The following PRMT8 variants were observed in gnomAD, a reference collection of about 807,000 sequenced individuals.
PRMT8 encodes the protein protein arginine N-methyltransferase 8.
A neutral mutation model predicts 47.1 loss-of-function variants in PRMT8; 7 were observed. The observed-to-expected ratio is 0.15, with a 90% confidence interval of 0.08 to 0.28. The LOEUF is 0.28. PRMT8 is among the 10% of genes least tolerant of loss of function. The probability of loss-of-function intolerance (pLI) is 1.00; values close to 1 mark genes in which losing one functional copy is unlikely to be tolerated. For synonymous variants in PRMT8, 188 were observed against 186.5 expected, an observed-to-expected ratio of 1.01 and a Z score of -0.07; for missense variants, 237 against 505.4, an observed-to-expected ratio of 0.47 and a Z score of 5.09.
chr12:3,513,379 C>T (rs1044866321), intron 1 of PRMT8, among the ~76,000 whole-genome samples: 10 of 152,164 alleles, frequency 6.6e-5, no homozygotes, highest in African/African-American at 2.4e-4. Flanking sequence ...ACTCCTATTT[C>T]AGTTTCCCTT....
intron 1 of PRMT8, among the ~76,000 whole-genome samples, chr12:3,433,678 C>G (rs1363498147): frequency 2.6e-5 from 4 of 152,128 alleles, no homozygotes. Context: ...GTGGCGCGAT[C>G]TCGGCTCACT....
chr12:3,562,853 C>T (rs1178833743), intron 4 of PRMT8, among the ~76,000 whole-genome samples: 1 of 152,112 alleles, frequency 6.6e-6, no homozygotes, highest in Non-Finnish European at 1.5e-5. Context: ...CTTTCTGTCC[C>T]ATGGAAGCTT....
intron 7 of PRMT8, among the ~76,000 whole-genome samples, chr12:3,578,755 C>T (rs1287690459): frequency 6.6e-6 from 1 of 152,108 alleles, no homozygotes; most frequent in African/African-American, 2.4e-5. Flanking sequence ...TGAGAACTGT[C>T]CTTTGTCCTG....
Position 3,538,316 on chromosome 12 carries a change from G to A in PRMT8, c.76-2290G>A, listed in dbSNP as rs1052639629. On this transcript the variant is annotated intron_variant, in intron 1 of 9. Coordinates refer to ENST00000382622, the MANE Select transcript of PRMT8 (RefSeq NM_019854.5). The surrounding 1 kb of genome is among the most constrained non-coding windows in gnomAD (Gnocchi z 4.6). ...GAGACAATAAGGGTCTTAGAATCTA[G>A]AAAACAGGGTCCTGGGAGGGCACAG... 7.2e-5 allele frequency: 16 copies of A among 220,692 alleles called. No individual in the cohort carries two copies. In the East Asian group the frequency reaches 1.7e-3, roughly 24 times the overall value. 13.7% of individuals were successfully genotyped at this position (220,692 alleles called of 1,614,324 possible). A position where few individuals can be genotyped will look rare whatever the true frequency, so the allele number is the denominator to read the frequency against.
rs1867105154 is a variant in PRMT8, at chr12:3,583,171, A to T, written c.942A>T (p.Glu314Asp). The T allele has an allele frequency of 1.2e-6, 2 of 1,613,574 alleles. No homozygotes were observed. The highest frequency in any genetic ancestry group is 8.5e-7 in the Non-Finnish European group (1 of 1,179,854). The part of the protein sequence containing the change: ...VHALVTYFNI[E>D]FTKCHKKMGF... The stretch of plus-strand genomic sequence containing the variant: ...CCCTGGTCACCTATTTTAATATTGA[A>T]TTTACCAAGTGCCACAAGAAAATGG... Residue 314 changes from glutamate (E) to aspartate (D), a missense_variant, in exon 8 of 10, where the codon GAA (glutamate) becomes GAT (aspartate). By Grantham distance (45) the Glu-to-Asp change is conservative. Transcript: ENST00000382622. This position sits in a 1 kb window ranked among gnomAD's most constrained non-coding sequence, Gnocchi z 4.7.
chr12:3,442,361 G>C (rs1188913235), intron 1 of PRMT8, among the ~76,000 whole-genome samples: 1 of 152,132 alleles, frequency 6.6e-6, no homozygotes, highest in Non-Finnish European at 1.5e-5. Flanking sequence ...AAGGCATGAA[G>C]GACAATGACT....
At chr12:3,528,316 G>GC (rs1741608507) in intron 1 of PRMT8, among the ~76,000 whole-genome samples, 2 of 152,174 alleles carry the variant, frequency 1.3e-5, no homozygotes, top group African/African-American at 4.8e-5. Flanking sequence ...TTGTCCCACA[G>GC]CTCAATGATA....
chr12:3,510,653 C>G (rs1177123563), intron 1 of PRMT8, among the ~76,000 whole-genome samples: 1 of 152,188 alleles, frequency 6.6e-6, no homozygotes, highest in Non-Finnish European at 1.5e-5. Context: ...TACTGCAGGG[C>G]CTGGGGCCTT....
chr12:3,507,587 T>A (rs1353369503), intron 1 of PRMT8, among the ~76,000 whole-genome samples: 1 of 152,124 alleles, frequency 6.6e-6, no homozygotes, highest in Non-Finnish European at 1.5e-5. Context: ...CCATCAGAAG[T>A]GTAGATAGGG....
At position 3,580,427 on chromosome 12, in the gene PRMT8, G is replaced by A. The variant is rs1177465522; in HGVS notation, c.829-2631G>A. On this transcript the variant is annotated intron_variant, in intron 7 of 9. Transcript: ENST00000382622. The surrounding 1 kb of genome is among the most constrained non-coding windows in gnomAD (Gnocchi z 4.6). Reference sequence around the variant, plus strand: ...CCACGTCTAGATTGTAAGCCATAAGGAATCATTGAAGGTTATAGATCCAGA... The same window carrying A: ...CCACGTCTAGATTGTAAGCCATAAGAAATCATTGAAGGTTATAGATCCAGA... Among the ~76,000 whole-genome samples, 1 of 151,924 alleles carries A rather than the reference G, an allele frequency of 6.6e-6. No individual in the cohort carries two copies. The highest frequency in any genetic ancestry group is 2.4e-5 in the African/African-American group (1 of 41,344).
chr12:3,478,422 C>G (rs1473873681), intron 1 of PRMT8, among the ~76,000 whole-genome samples: 6 of 152,222 alleles, frequency 3.9e-5, no homozygotes, highest in Admixed American at 3.9e-4. Flanking sequence ...GCTTGGGCCC[C>G]TCCACCTTCT....
At chr12:3,449,451 T>C (rs1011438105) in intron 1 of PRMT8, among the ~76,000 whole-genome samples, 2 of 152,266 alleles carry the variant, frequency 1.3e-5, no homozygotes, top group Non-Finnish European at 2.9e-5. Context: ...AGGTGGTATC[T>C]CATTGTGGTT....
chr12:3,382,934 A>G (rs75388926), intron 1 of PRMT8, among the ~76,000 whole-genome samples: 3,491 of 152,308 alleles, frequency 0.023, 135 homozygotes, highest in African/African-American at 0.074. Flanking sequence ...TAGGAATCCA[A>G]TTGCTCCAGT....
chr12:3,451,855 ATCCATTG>A (rs1864922549), intron 1 of PRMT8, among the ~76,000 whole-genome samples: 1 of 152,146 alleles, frequency 6.6e-6, no homozygotes, highest in Non-Finnish European at 1.5e-5. Context: ...CATATCCTTG[ATCCATTG>A]TGCCTCATGG....
rs888429011 is a variant in PRMT8 at position 3,580,870 on chromosome 12, G to A, written c.829-2188G>A. ...CAATACAGGCAACCAAGGCTTGTCC[G>A]AAGAGTTTTTGAGCTGGAGGACACC... On this transcript the variant is annotated intron_variant, in intron 7 of 9. Coordinates refer to ENST00000382622, the MANE Select transcript of PRMT8 (RefSeq NM_019854.5). This position sits in a 1 kb window ranked among gnomAD's most constrained non-coding sequence, Gnocchi z 4.6. Among the ~76,000 whole-genome samples the A allele has an allele frequency of 6.6e-6, 1 of 152,208 alleles. No individual in the cohort carries two copies. The highest frequency in any genetic ancestry group is 1.5e-5 in the Non-Finnish European group (1 of 68,038).
intron 1 of PRMT8, among the ~76,000 whole-genome samples, chr12:3,430,286 G>T (rs1478761170): frequency 2.0e-5 from 3 of 152,184 alleles, no homozygotes; most frequent in Non-Finnish European, 4.4e-5. Flanking sequence ...AAGCAGTTAG[G>T]TCAGGGGTTG....
At chr12:3,527,462 A>G (rs1354004033) in intron 1 of PRMT8, among the ~76,000 whole-genome samples, 3 of 152,110 alleles carry the variant, frequency 2.0e-5, no homozygotes, top group Non-Finnish European at 2.9e-5. Context: ...AAACTTATGA[A>G]TTGCCTACTT....
intron 1 of PRMT8, among the ~76,000 whole-genome samples, chr12:3,485,102 A>C (rs1460966739): frequency 1.3e-5 from 2 of 152,082 alleles, no homozygotes; most frequent in African/African-American, 2.4e-5. Context: ...AGAAAATCTT[A>C]AGTTTTTCGG....
chr12:3,403,314 G>T (rs1332145944), intron 1 of PRMT8, among the ~76,000 whole-genome samples: 4 of 152,028 alleles, frequency 2.6e-5, no homozygotes, highest in Non-Finnish European at 5.9e-5. Context: ...TGAGGCCTAT[G>T]GGAGGGGTTG....
Sources: allele counts gnomAD v4.1 joint callset (sites outside exome capture counted in the v4.1 genomes callset), GRCh38; gene constraint gnomAD v4.1.1; non-coding constraint Gnocchi (gnomAD v3.1); transcripts MANE v1.5; gene names NCBI Gene and HGNC (gene_info 2026-07-23, HGNC 2026-07-21).